The following PBX3 variants were observed in gnomAD, a reference collection of about 807,000 sequenced individuals.
PBX3 encodes the protein pre-B-cell leukemia transcription factor 3.
A neutral mutation model predicts 48.5 loss-of-function variants in PBX3; 14 were observed. The observed-to-expected ratio is 0.29, with a 90% CI of 0.19 to 0.45. The LOEUF is 0.45. Among genes scored for constraint, PBX3 ranks in the 20% least tolerant of loss-of-function variants. PBX3 has a pLI of 1.00. For synonymous variants in PBX3, 210 were observed against 200.3 expected (o/e 1.05, Z -0.41); for missense variants, 386 against 546.7 (o/e 0.71, Z 2.93).
At chr9:125,843,777 T>C (rs1008392740) in intron 2 of PBX3, 1 of 455,784 alleles carries the variant, frequency 2.2e-6, no homozygotes, top group Non-Finnish European at 4.4e-6. Flanking sequence ...AGCCAGAACA[T>C]GAAATGATGC....
intron 2 of PBX3, among the ~76,000 whole-genome samples, chr9:125,755,115 G>C (rs1376295148): frequency 6.6e-6 from 1 of 151,936 alleles, no homozygotes; most frequent in African/African-American, 2.4e-5. Context: ...TCTTTTATGT[G>C]ATACATCAGT....
chr9:125,901,412 A>G (rs1840942566), intron 2 of PBX3, among the ~76,000 whole-genome samples: 1 of 151,772 alleles, frequency 6.6e-6, no homozygotes, highest in Non-Finnish European at 1.5e-5. Context: ...GAAAATATAT[A>G]GCAGTTCTAC....
intron 2 of PBX3, among the ~76,000 whole-genome samples, chr9:125,835,113 G>A (rs7875710): frequency 0.64 from 95,307 of 149,860 alleles, 30,678 homozygotes; most frequent in East Asian, 0.76. Context: ...TTAAATGTTG[G>A]AAAAAGTCCA....
At chr9:125,763,970 C>T (rs1836738040) in intron 2 of PBX3, among the ~76,000 whole-genome samples, 1 of 152,158 alleles carries the variant, frequency 6.6e-6, no homozygotes, top group Non-Finnish European at 1.5e-5. Flanking sequence ...AGAAATCACA[C>T]ATTCTTTTCT....
intron 2 of PBX3, among the ~76,000 whole-genome samples, chr9:125,865,721 C>T (rs901486218): frequency 6.6e-6 from 1 of 152,122 alleles, no homozygotes; most frequent in Non-Finnish European, 1.5e-5. Context: ...CTGTCTGGAG[C>T]ACTAAACTCA....
Position 125,747,524 on chromosome 9 carries a change from G to T in PBX3, c.71G>T (p.Gly24Val). 6.2e-7 allele frequency: 1 copy of T among 1,600,026 alleles called. No homozygotes were observed. The change falls in exon 1 of 9, where the codon GGC becomes GTC. Residue 24 changes from glycine (G) to valine (V), a missense_variant. Coordinates refer to ENST00000373489, the MANE Select transcript of PBX3 (RefSeq NM_006195.6). ...CTGGCTGGCCACTCGGTGCAGGGGGGCATGGCCCTGCCGCCTCCCCCGCAC... is the reference window on the plus strand; with the variant it reads ...CTGGCTGGCCACTCGGTGCAGGGGGTCATGGCCCTGCCGCCTCCCCCGCAC... ...VNLAGHSVQG[G>V]MALPPPPHGH...
At chr9:125,765,265 C>T (rs1180475259) in intron 2 of PBX3, among the ~76,000 whole-genome samples, 1 of 151,614 alleles carries the variant, frequency 6.6e-6, no homozygotes, top group African/African-American at 2.4e-5. Flanking sequence ...CCTCGCACCT[C>T]AGCCTCCCGA....
At chr9:125,906,979 C>G (rs1564167378) in intron 2 of PBX3, among the ~76,000 whole-genome samples, 1 of 151,982 alleles carries the variant, frequency 6.6e-6, no homozygotes, top group Non-Finnish European at 1.5e-5. Flanking sequence ...CATTTACTTT[C>G]TATGTGTTTT....
chr9:125,944,789 C>T (rs1447952278), intron 5 of PBX3, among the ~76,000 whole-genome samples: 2 of 152,146 alleles, frequency 1.3e-5, no homozygotes, highest in African/African-American at 4.8e-5. Context: ...TATTATAAGA[C>T]TTAAGGCTAC....
intron 2 of PBX3, among the ~76,000 whole-genome samples, chr9:125,780,366 G>C: frequency 6.9e-6 from 1 of 143,952 alleles, no homozygotes; most frequent in Non-Finnish European, 1.5e-5. Context: ...TGGGCGGGGA[G>C]CTGACCCCAC....
intron 2 of PBX3, among the ~76,000 whole-genome samples, chr9:125,749,905 A>G (rs1013548282): frequency 6.6e-6 from 1 of 152,238 alleles, no homozygotes. Flanking sequence ...GCCAAAGAGT[A>G]CTTTTCCTGG....
At chr9:125,940,685 A>G (rs1307228928) in intron 5 of PBX3, among the ~76,000 whole-genome samples, 3 of 152,268 alleles carry the variant, frequency 2.0e-5, no homozygotes, top group African/African-American at 4.8e-5. Flanking sequence ...ATGAACTATA[A>G]CTATATGTAA....
chr9:125,748,841 G>C (rs1836285032), intron 2 of PBX3: 1 of 383,310 alleles, frequency 2.6e-6, no homozygotes, highest in Non-Finnish European at 4.7e-6. Flanking sequence ...TGCGGACCGG[G>C]CTGGATCGCC....
At chr9:125,938,363 A>G (rs534514035) in intron 5 of PBX3, among the ~76,000 whole-genome samples, 11 of 152,372 alleles carry the variant, frequency 7.2e-5, no homozygotes, top group African/African-American at 2.2e-4. Context: ...TTCAGTAAAG[A>G]TGGGATCAGA....
intron 2 of PBX3, among the ~76,000 whole-genome samples, chr9:125,801,178 A>G (rs376066598): frequency 3.3e-5 from 5 of 152,256 alleles, no homozygotes; most frequent in African/African-American, 9.6e-5. Flanking sequence ...GCATTTGTAT[A>G]TATTAACATT....
At chr9:125,827,026 C>T (rs1395729565) in intron 2 of PBX3, among the ~76,000 whole-genome samples, 1 of 152,160 alleles carries the variant, frequency 6.6e-6, no homozygotes, top group Non-Finnish European at 1.5e-5. Context: ...TCTTTATCCA[C>T]ACCTCCCACC....
At chr9:125,826,386 G>T (rs944234414) in intron 2 of PBX3, among the ~76,000 whole-genome samples, 1 of 152,098 alleles carries the variant, frequency 6.6e-6, no homozygotes, top group Non-Finnish European at 1.5e-5. Context: ...AAACAGAATT[G>T]AAAATCAGAT....
chr9:125,905,049 AAT>A (rs1326295299), intron 2 of PBX3, among the ~76,000 whole-genome samples: 1 of 151,984 alleles, frequency 6.6e-6, no homozygotes, highest in Non-Finnish European at 1.5e-5. Context: ...ATAAATCTAT[AAT>A]CATATTTATC....
At chr9:125,879,302 C>T (rs1017513420) in intron 2 of PBX3, among the ~76,000 whole-genome samples, 3 of 151,992 alleles carry the variant, frequency 2.0e-5, no homozygotes, top group East Asian at 1.9e-4. Context: ...TGATCTCGAT[C>T]GAACTCCTGA....
Sources: gnomAD v4.1 joint callset for allele counts (sites outside exome capture counted in the v4.1 genomes callset) on GRCh38, gnomAD v4.1.1 for gene constraint, MANE v1.5 for transcripts, NCBI Gene and HGNC (gene_info 2026-07-23, HGNC 2026-07-21) for gene names.